The following ABLIM1 variants were observed in gnomAD, a reference collection of about 807,000 sequenced individuals.
ABLIM1 encodes the protein actin-binding LIM protein 1.
In ABLIM1, 40 loss-of-function variants were observed where a neutral mutation model predicts 107.0. The ratio of observed to expected loss-of-function variants is 0.37; its 90% CI spans 0.29 to 0.49. The LOEUF (loss-of-function observed/expected upper bound fraction) is 0.49. Among genes scored for constraint, ABLIM1 ranks in the 20% least tolerant of loss-of-function variants. ABLIM1 has a pLI of 0.97. For synonymous variants in ABLIM1, 357 were observed against 357.3 expected, an observed-to-expected ratio of 1.00 and a Z score of 0.01; for missense variants, 857 against 1,008.5, an observed-to-expected ratio of 0.85 and a Z score of 2.04.
chr10:114,496,892 T>C (rs1200732432), intron 6 of ABLIM1, among the ~76,000 whole-genome samples: 1 of 152,040 alleles, frequency 6.6e-6, no homozygotes, highest in Non-Finnish European at 1.5e-5. Context: ...CTCCTTCGCA[T>C]GTGTGAGACA....
At chr10:114,565,022 C>G (rs1309454036) in intron 4 of ABLIM1, among the ~76,000 whole-genome samples, 1 of 152,178 alleles carries the variant, frequency 6.6e-6, no homozygotes, top group Admixed American at 6.5e-5. Context: ...GGCAAAGAAA[C>G]AGAGATATAG....
intron 1 of ABLIM1, among the ~76,000 whole-genome samples, chr10:114,717,319 C>T (rs2081692279): frequency 6.6e-6 from 1 of 152,280 alleles, no homozygotes; most frequent in East Asian, 1.9e-4. Context: ...GTGGTCATTC[C>T]TGTCTATCAC....
At chr10:114,446,324 T>C (rs1378511680) in intron 15 of ABLIM1, among the ~76,000 whole-genome samples, 1 of 152,238 alleles carries the variant, frequency 6.6e-6, no homozygotes, top group African/African-American at 2.4e-5. Context: ...ACAAAAGAGT[T>C]TTATACTAAT....
upstream of ABLIM1, among the ~76,000 whole-genome samples, chr10:114,685,199 A>G (rs1389573846): frequency 6.6e-6 from 1 of 152,196 alleles, no homozygotes; most frequent in Non-Finnish European, 1.5e-5. Context: ...AATTTTGCAT[A>G]TTGGAAAAGT....
chr10:114,780,004 T>A, the ABLIM1 span: 1 of 152,116 alleles, frequency 6.6e-6, no homozygotes, highest in Non-Finnish European at 1.5e-5. Context: ...AAGGGTTGTG[T>A]ACACTTGGTT....
intron 1 of ABLIM1, among the ~76,000 whole-genome samples, chr10:114,634,284 T>C (rs1056694548): frequency 5.4e-5 from 8 of 148,822 alleles, no homozygotes; most frequent in Admixed American, 6.7e-5. Flanking sequence ...AGGCGCCCGC[T>C]ACCACGCCCG....
At chr10:114,469,654 A>G (rs761897033) in intron 10 of ABLIM1, among the ~76,000 whole-genome samples, 1 of 152,180 alleles carries the variant, frequency 6.6e-6, no homozygotes, top group Non-Finnish European at 1.5e-5. Context: ...AAATTATATT[A>G]CATATCTGTT....
At chr10:114,580,588 T>C (rs1192562768) in intron 2 of ABLIM1, among the ~76,000 whole-genome samples, 1 of 152,228 alleles carries the variant, frequency 6.6e-6, no homozygotes, top group Non-Finnish European at 1.5e-5. Context: ...AATAAATCTT[T>C]GATACATGCT....
intron 1 of ABLIM1, among the ~76,000 whole-genome samples, chr10:114,763,723 T>C (rs1271618278): frequency 1.3e-5 from 2 of 152,188 alleles, no homozygotes; most frequent in African/African-American, 4.8e-5. Flanking sequence ...AAAATAACTT[T>C]TTTGAAAGCT....
At chr10:114,457,832 G>T (rs1017890992) in intron 12 of ABLIM1, among the ~76,000 whole-genome samples, 3 of 152,208 alleles carry the variant, frequency 2.0e-5, no homozygotes, top group Non-Finnish European at 4.4e-5. Flanking sequence ...AGCACTTTGG[G>T]AGGCTGAGGC....
chr10:114,658,450 A>G (rs571341325), upstream of ABLIM1, among the ~76,000 whole-genome samples: 44 of 152,336 alleles, frequency 2.9e-4, no homozygotes, highest in Admixed American at 4.6e-4. Context: ...ACATGAATGC[A>G]TATTTGAAAA....
At chr10:114,731,594 G>C (rs2082075330) in intron 1 of ABLIM1, among the ~76,000 whole-genome samples, 1 of 151,546 alleles carries the variant, frequency 6.6e-6, no homozygotes, top group Middle Eastern at 3.2e-3. Context: ...CACCTCCTAG[G>C]TTCAAACCTT....
rs116185313 is a variant in ABLIM1 at position 114,544,355 on chromosome 10, G to A, written c.894+650C>T. Among the ~76,000 whole-genome samples, 836 of 152,250 alleles carry A rather than the reference G, an allele frequency of 5.5e-3. 7 individuals carry two copies. The highest frequency in any genetic ancestry group is 0.019 in the African/African-American group (773 of 41,556). Reference sequence around the variant, plus strand: ...AGGGTAGCGACTCCTTCTGAACTCTGGCCCCAGAATTCTGTGTCTCACCCC... The same window carrying A: ...AGGGTAGCGACTCCTTCTGAACTCTAGCCCCAGAATTCTGTGTCTCACCCC... On this transcript the variant is annotated intron_variant, in intron 6 of 22. Transcript: ENST00000533213.
chr10:114,724,336 T>C (rs1390721311), intron 1 of ABLIM1, among the ~76,000 whole-genome samples: 1 of 152,078 alleles, frequency 6.6e-6, no homozygotes, highest in African/African-American at 2.4e-5. Flanking sequence ...AGAATATAGA[T>C]GAAAGTATGA....
At chr10:114,495,447 G>C (rs1252692124) in intron 6 of ABLIM1, among the ~76,000 whole-genome samples, 1 of 150,444 alleles carries the variant, frequency 6.6e-6, no homozygotes, top group African/African-American at 2.4e-5. Context: ...GGGTGGTAAT[G>C]ATGATGATGA....
At chr10:114,529,414 G>A (rs957307809) in intron 6 of ABLIM1, among the ~76,000 whole-genome samples, 11 of 152,036 alleles carry the variant, frequency 7.2e-5, no homozygotes, top group African/African-American at 1.9e-4. Context: ...GAGCCACTGC[G>A]CCCGGCCTCT....
intron 4 of ABLIM1, among the ~76,000 whole-genome samples, chr10:114,551,976 G>A (rs570810792): frequency 6.6e-6 from 1 of 152,130 alleles, no homozygotes; most frequent in Non-Finnish European, 1.5e-5. Flanking sequence ...CAGCTGGTAA[G>A]GTTGGGCTGC....
Position 114,448,039 on chromosome 10 carries a change from CAG to C in ABLIM1, c.1595-21_1595-20del. On this transcript the variant is annotated intron_variant, in intron 14 of 22. Coordinates refer to ENST00000533213, the MANE Select transcript of ABLIM1 (RefSeq NM_002313.7). ...AAGGCAGCTGCATCTAGATGGGAAT[CAG>C]GGGTTGCTTAGCTATTGGTCTGTAA... 1 of 1,613,990 alleles carries C rather than the reference CAG, an allele frequency of 6.2e-7. No individual in the cohort carries two copies. Among genetic ancestry groups the C allele is most frequent in the Non-Finnish European group, 8.5e-7 (1 of 1,179,904 alleles).
chr10:114,479,604 C>T (rs1350911809), intron 8 of ABLIM1, among the ~76,000 whole-genome samples: 1 of 152,130 alleles, frequency 6.6e-6, no homozygotes, highest in Admixed American at 6.5e-5. Context: ...CAGGACAGTT[C>T]CTGGTTTGTT....
Sources: allele counts gnomAD v4.1 joint callset (sites outside exome capture counted in the v4.1 genomes callset), GRCh38; gene constraint gnomAD v4.1.1; transcripts MANE v1.5; gene names NCBI Gene and HGNC (gene_info 2026-07-23, HGNC 2026-07-21).